Variants in RTKN2 observed in about 807,000 individuals in gnomAD.
RTKN2 encodes rhotekin 2.
In RTKN2, 69 loss-of-function variants were observed where a neutral mutation model predicts 71.5. The observed-to-expected ratio is 0.96, with a 90% confidence interval of 0.79 to 1.18. The LOEUF is 1.18. Ranked by LOEUF, RTKN2 falls within the 50% of genes most tolerant of loss-of-function variation. RTKN2 has a pLI of 0.00. For synonymous variants in RTKN2, 236 were observed against 236.5 expected, an observed-to-expected ratio of 1.00 and a Z score of 0.02; for missense variants, 724 against 719.7, an observed-to-expected ratio of 1.01 and a Z score of -0.07.
intron 6 of RTKN2, among the ~76,000 whole-genome samples, chr10:62,228,620 T>C (rs563340851): frequency 1.3e-5 from 2 of 152,330 alleles, no homozygotes; most frequent in East Asian, 3.9e-4. Context: ...TTTCAGCATG[T>C]TTATAAGTAT....
At chr10:62,240,641 C>T (rs1320292004) in intron 4 of RTKN2, among the ~76,000 whole-genome samples, 3 of 152,102 alleles carry the variant, frequency 2.0e-5, no homozygotes, top group Middle Eastern at 3.4e-3. Flanking sequence ...AGAAATCATT[C>T]GAGGTTAATT....
chr10:62,238,620 G>A (rs1263927988), intron 5 of RTKN2: 1 of 151,984 alleles, frequency 6.6e-6, no homozygotes, highest in Admixed American at 6.6e-5. Flanking sequence ...TTGGGGATAT[G>A]TTTTGGATCC....
chr10:62,189,698 T>C (rs1178324865), downstream of RTKN2, among the ~76,000 whole-genome samples: 1 of 152,146 alleles, frequency 6.6e-6, no homozygotes, highest in Non-Finnish European at 1.5e-5. Flanking sequence ...TGGAGGCACA[T>C]GCCTGTTGTC....
chr10:62,202,683 T>A (rs1321305480), intron 10 of RTKN2, among the ~76,000 whole-genome samples: 2 of 152,332 alleles, frequency 1.3e-5, no homozygotes, highest in African/African-American at 2.4e-5. Flanking sequence ...CTTATTATGT[T>A]GACAGTACAA....
chr10:62,252,149 T>A (rs1327603771), intron 2 of RTKN2, among the ~76,000 whole-genome samples: 1 of 152,008 alleles, frequency 6.6e-6, no homozygotes, highest in African/African-American at 2.4e-5. Flanking sequence ...ATGTGCCAAA[T>A]GGTCAGCCTT....
chr10:62,235,555 C>T (rs938112443), intron 6 of RTKN2, among the ~76,000 whole-genome samples: 1 of 152,000 alleles, frequency 6.6e-6, no homozygotes, highest in Non-Finnish European at 1.5e-5. Flanking sequence ...GTGGAAAATT[C>T]TACACCTGAC....
At chr10:62,186,944 A>C (rs1278628214) in intron 8 of RTKN2, among the ~76,000 whole-genome samples, 1 of 152,212 alleles carries the variant, frequency 6.6e-6, no homozygotes, top group African/African-American at 2.4e-5. Flanking sequence ...TTTATGGCAA[A>C]AAAATTAAAC....
intron 6 of RTKN2, among the ~76,000 whole-genome samples, chr10:62,233,884 AC>A (rs1484525385): frequency 6.6e-6 from 1 of 152,220 alleles, no homozygotes; most frequent in Non-Finnish European, 1.5e-5. Context: ...AAAATTACTG[AC>A]ATGCTGAAGA....
intron 8 of RTKN2, among the ~76,000 whole-genome samples, chr10:62,187,236 G>A (rs1337302603): frequency 2.0e-5 from 3 of 149,262 alleles, no homozygotes; most frequent in South Asian, 2.1e-4. Flanking sequence ...CTTTGTTCTT[G>A]TAAGTGACTA....
Position 62,196,331 on chromosome 10 carries a change from G to C in RTKN2, c.*1577C>G. On this transcript the variant is annotated 3_prime_UTR_variant, in exon 12 of 12. Coordinates refer to ENST00000373789, the MANE Select transcript of RTKN2 (RefSeq NM_145307.4). ...ATGATCTCTACATGCTATCAAGCAG[G>C]CATATAGTACTTTCTTCTCACCAAA... 1 of 983,684 alleles carries C rather than the reference G, an allele frequency of 1.0e-6. No individual in the cohort carries two copies. Among genetic ancestry groups the C allele is most frequent in the Non-Finnish European group, 1.2e-6 (1 of 828,444 alleles). The allele number at this position is 983,684 out of a possible 1,614,324, so 60.9% of individuals were successfully genotyped here.
chr10:62,257,766 A>G (rs990742822), intron 2 of RTKN2, among the ~76,000 whole-genome samples: 23 of 152,192 alleles, frequency 1.5e-4, no homozygotes, highest in Admixed American at 1.0e-3. Context: ...AGCATGCAGA[A>G]AAAAAGGTAC....
At chr10:62,248,358 T>C (rs1842516247) in intron 2 of RTKN2, among the ~76,000 whole-genome samples, 1 of 152,170 alleles carries the variant, frequency 6.6e-6, no homozygotes, top group Non-Finnish European at 1.5e-5. Context: ...GTGATGTTTT[T>C]CTAATTAATC....
chr10:62,224,695 T>C (rs573764351), intron 6 of RTKN2, among the ~76,000 whole-genome samples: 2 of 152,140 alleles, frequency 1.3e-5, no homozygotes, highest in Non-Finnish European at 2.9e-5. Context: ...GGACCTGTGG[T>C]AGGTAGGTGA....
intron 2 of RTKN2, among the ~76,000 whole-genome samples, chr10:62,259,837 C>T (rs143501556): frequency 1.5e-3 from 230 of 152,136 alleles, no homozygotes; most frequent in African/African-American, 5.3e-3. Flanking sequence ...CAGGTGTGAA[C>T]CACTTCACCC....
intron 2 of RTKN2, among the ~76,000 whole-genome samples, chr10:62,250,398 T>C (rs1215444844): frequency 1.3e-5 from 2 of 152,162 alleles, no homozygotes; most frequent in Admixed American, 6.5e-5. Flanking sequence ...GTTTCAAACA[T>C]TAGTATCAAA....
At chr10:62,245,920 CAG>C in intron 3 of RTKN2, 77 bp downstream of exon 3, 2 of 840,064 alleles carry the variant, frequency 2.4e-6, no homozygotes, top group South Asian at 1.7e-5. Context: ...AGAATGGAGA[CAG>C]GGCATAAAAC....
chr10:62,237,695 CT>C (rs983777930), intron 5 of RTKN2, among the ~76,000 whole-genome samples: 1 of 151,708 alleles, frequency 6.6e-6, no homozygotes, highest in African/African-American at 2.4e-5. Context: ...ACTGTGTCCC[CT>C]GACCCTCCCC....
rs74872812 is a variant in RTKN2, at chr10:62,195,942, A to G, written c.*1966T>C. On this transcript the variant is annotated 3_prime_UTR_variant, in exon 12 of 12. Transcript: ENST00000373789. ...TCTGTATGAATACTTTCTTTTTCTTATACACCTTAAGTCCTTCCTGCTGTT... is the reference window on the plus strand; with the variant it reads ...TCTGTATGAATACTTTCTTTTTCTTGTACACCTTAAGTCCTTCCTGCTGTT... 1 of 985,028 alleles carries G rather than the reference A, an allele frequency of 1.0e-6. No individual in the cohort carries two copies. Among genetic ancestry groups the G allele is most frequent in the African/African-American group, 1.8e-5 (1 of 57,142 alleles). The allele number at this position is 985,028 out of a possible 1,614,324, so 61.0% of individuals were successfully genotyped here. A position where few individuals can be genotyped will look rare whatever the true frequency, so the allele number is the denominator to read the frequency against.
intron 9 of RTKN2, among the ~76,000 whole-genome samples, chr10:62,214,476 CA>C (rs1841726126): frequency 6.6e-6 from 1 of 152,128 alleles, no homozygotes. Context: ...TGATTGACTA[CA>C]AAATCTCATT....
Sources: gnomAD v4.1 joint callset for allele counts (sites outside exome capture counted in the v4.1 genomes callset) on GRCh38, gnomAD v4.1.1 for gene constraint, MANE v1.5 for transcripts, NCBI Gene and HGNC (gene_info 2026-07-23, HGNC 2026-07-21) for gene names.